H2AC13: variants seen among roughly 807,000 people sequenced by gnomAD.
The protein encoded by H2AC13 is H2A clustered histone 13.
In H2AC13, 3 loss-of-function variants were observed where a neutral mutation model predicts 5.9. That is an observed-to-expected ratio of 0.50 (90% CI 0.23 to 1.30). The LOEUF (loss-of-function observed/expected upper bound fraction) is 1.30, where lower values mean the gene tolerates loss of function less well. Among genes scored for constraint, H2AC13 ranks in the 50% most tolerant of loss-of-function variants. The pLI is 0.18. For synonymous variants in H2AC13, 96 were observed against 82.4 expected (o/e 1.17, Z -0.90); for missense variants, 123 against 179.1 (o/e 0.69, Z 1.79).
chr6:27,808,375 C>CT lies in H2AC13; in HGVS notation c.167dup (p.Glu57GlyfsTer36), dbSNP rs1395191360. The CT allele has an allele frequency of 6.2e-7, 1 of 1,604,402 alleles. No individual in the cohort carries two copies. The highest frequency in any genetic ancestry group is 1.3e-5 in the African/African-American group (1 of 74,668). ...AGCGCCGGTGTACCTGGCGGCGGTG[C>CT]TGGAGTACCTGACCGCCGAGATCCT... On this transcript the variant is annotated frameshift_variant, in exon 1 of 1. Coordinates refer to ENST00000358739, the MANE Select transcript of H2AC13 (RefSeq NM_003509.3). LOFTEE classifies it high-confidence loss of function.
chr6:27,808,379 A>G lies in H2AC13; in HGVS notation c.170A>G (p.Glu57Gly). The G allele has an allele frequency of 6.2e-7, 1 of 1,606,204 alleles. No individual in the cohort carries two copies. The highest frequency in any genetic ancestry group is 8.5e-7 in the Non-Finnish European group (1 of 1,174,594). ...GAPVYLAAVLEYLTAEILELA... is the reference protein window; with the variant it reads ...GAPVYLAAVLGYLTAEILELA... ...CCGGTGTACCTGGCGGCGGTGCTGG[A>G]GTACCTGACCGCCGAGATCCTGGAG... The change falls in exon 1 of 1, where the codon GAG becomes GGG. Residue 57 changes from glutamate (E) to glycine (G), a missense_variant. This residue lies in a region of H2AC13 where 72 missense variants were observed against 134.3 expected (regional missense o/e 0.54). Transcript: ENST00000358739.
At position 27,808,395 on chromosome 6, in the gene H2AC13, G is replaced by C; in HGVS notation, c.186G>C (p.Glu62Asp). The change falls in exon 1 of 1, where the codon GAG becomes GAC. Residue 62 changes from glutamate to aspartate, a missense_variant. Coordinates refer to ENST00000358739, the MANE Select transcript of H2AC13 (RefSeq NM_003509.3). ...CGGTGCTGGAGTACCTGACCGCCGA[G>C]ATCCTGGAGCTGGCTGGCAACGCGG... Reference protein sequence around the residue: ...LAAVLEYLTAEILELAGNAAR... With the variant: ...LAAVLEYLTADILELAGNAAR... 1.9e-6 allele frequency: 3 copies of C among 1,608,512 alleles called. No individual in the cohort carries two copies. The highest frequency in any genetic ancestry group is 2.6e-6 in the Non-Finnish European group (3 of 1,176,008).
rs1445867949 is a variant in H2AC13, at chr6:27,808,548, G to C, written c.339G>C (p.Gln113His). 1 of 1,614,116 alleles carries C rather than the reference G, an allele frequency of 6.2e-7. No individual in the cohort carries two copies. Among genetic ancestry groups the C allele is most frequent in the African/African-American group, 1.3e-5 (1 of 74,948 alleles). The change falls in exon 1 of 1, where the codon CAG (glutamine) becomes CAC (histidine). Residue 113 changes from glutamine (Q) to histidine (H), a missense_variant. By Grantham distance (24) the Gln-to-His change is conservative. Transcript: ENST00000358739. The part of the protein sequence containing the change: ...IAQGGVLPNI[Q>H]AVLLPKKTES... The stretch of plus-strand genomic sequence containing the variant: ...AGGGTGGCGTCCTGCCCAACATCCA[G>C]GCCGTGCTACTGCCCAAGAAGACCG...
chr6:27,808,519 G>C lies in H2AC13; in HGVS notation c.310G>C (p.Ala104Pro). ...CAAGCTTCTGGGCAAAGTCACCATC[G>C]CACAGGGTGGCGTCCTGCCCAACAT... is the stretch of plus-strand genomic sequence containing the variant. ...LNKLLGKVTI[A>P]QGGVLPNIQA... The change falls in exon 1 of 1, where the codon GCA becomes CCA. Residue 104 changes from alanine (A) to proline (P), a missense_variant. Ala to Pro is a conservative substitution (Grantham distance 27). Transcript: ENST00000358739. The C allele has an allele frequency of 6.2e-7, 1 of 1,614,148 alleles. No homozygotes were observed. The highest frequency in any genetic ancestry group is 8.5e-7 in the Non-Finnish European group (1 of 1,180,010).
In H2AC13 at chr6:27,808,185, C is replaced by G. The variant is rs181697460; in HGVS notation, c.-25C>G. 3 of 1,542,704 alleles carry G rather than the reference C, an allele frequency of 1.9e-6. No homozygotes were observed. Among genetic ancestry groups the G allele is most frequent in the Non-Finnish European group, 2.6e-6 (3 of 1,149,622 alleles). ...CTAGTTTCACTTCAGTCTTTCTTGA[C>G]CGTATAGATAATAGGCCTTTTGCCA... is the stretch of plus-strand genomic sequence containing the variant. On this transcript the variant is annotated 5_prime_UTR_variant, in exon 1 of 1. Coordinates refer to ENST00000358739, the MANE Select transcript of H2AC13 (RefSeq NM_003509.3).
chr6:27,808,203 T>G lies in H2AC13; in HGVS notation c.-7T>G. The G allele has an allele frequency of 6.4e-7, 1 of 1,567,722 alleles. No homozygotes were observed. Among genetic ancestry groups the G allele is most frequent in the Non-Finnish European group, 8.6e-7 (1 of 1,160,042 alleles). ...TTCTTGACCGTATAGATAATAGGCCTTTTGCCATGTCTGGGCGTGGCAAGC... is the reference window on the plus strand; with the variant it reads ...TTCTTGACCGTATAGATAATAGGCCGTTTGCCATGTCTGGGCGTGGCAAGC... On this transcript the variant is annotated 5_prime_UTR_variant, in exon 1 of 1. Transcript: ENST00000358739.
At position 27,808,578 on chromosome 6, in the gene H2AC13, C is replaced by T. The variant is rs759140913; in HGVS notation, c.369C>T (p.Ser123=). The change falls in exon 1 of 1, where the codon AGC becomes AGT. Residue 123 remains serine, a synonymous_variant. Transcript: ENST00000358739. ...QAVLLPKKTE[S]HHKAKGK ...TGCTACTGCCCAAGAAGACCGAGAG[C>T]CACCACAAGGCGAAGGGCAAGTAGA... 1.2e-6 allele frequency: 2 copies of T among 1,614,044 alleles called. No homozygotes were observed. The highest frequency in any genetic ancestry group is 1.3e-5 in the African/African-American group (1 of 75,056).
Position 27,808,581 on chromosome 6 carries a change from C to T in H2AC13, c.372C>T (p.His124=), listed in dbSNP as rs764685927. The T allele has an allele frequency of 6.2e-7, 1 of 1,613,954 alleles. No homozygotes were observed. The highest frequency in any genetic ancestry group is 1.3e-5 in the African/African-American group (1 of 75,058). The change falls in exon 1 of 1, where the codon CAC becomes CAT. Residue 124 remains histidine, a synonymous_variant. Transcript: ENST00000358739. The stretch of plus-strand genomic sequence containing the variant: ...TACTGCCCAAGAAGACCGAGAGCCA[C>T]CACAAGGCGAAGGGCAAGTAGAAGC... ...AVLLPKKTES[H]HKAKGK
rs982089572 is a variant in H2AC13, at chr6:27,808,244, G to A, written c.35G>A (p.Arg12His). Residue 12 changes from arginine (R) to histidine (H), a missense_variant, in exon 1 of 1, where the codon CGC (arginine) becomes CAC (histidine). By Grantham distance (29) the Arg-to-His change is conservative. This residue lies in a region of H2AC13 where 33 missense variants were observed against 28.6 expected (regional missense o/e 1.15). Coordinates refer to ENST00000358739, the MANE Select transcript of H2AC13 (RefSeq NM_003509.3). ...SGRGKQGGKA[R>H]AKAKTRSSRA... Reference sequence around the variant, plus strand: ...CGTGGCAAGCAGGGAGGCAAAGCTCGCGCCAAGGCCAAGACCCGCTCTTCT... The same window carrying A: ...CGTGGCAAGCAGGGAGGCAAAGCTCACGCCAAGGCCAAGACCCGCTCTTCT... The A allele has an allele frequency of 1.3e-6, 2 of 1,578,908 alleles. No individual in the cohort carries two copies. Among genetic ancestry groups the A allele is most frequent in the Non-Finnish European group, 1.7e-6 (2 of 1,164,054 alleles).
rs764698902 is a variant in H2AC13, at chr6:27,808,374, GCTGGAGTACCTGACCGCCGAGATC to G, written c.172_195del (p.Tyr58_Glu65del). Reference sequence around the variant, plus strand: ...GAGCGCCGGTGTACCTGGCGGCGGTGCTGGAGTACCTGACCGCCGAGATCCTGGAGCTGGCTGGCAACGCGGCCC... The same window carrying G: ...GAGCGCCGGTGTACCTGGCGGCGGTGCTGGAGCTGGCTGGCAACGCGGCCC... On this transcript the variant is annotated inframe_deletion, in exon 1 of 1. Coordinates refer to ENST00000358739, the MANE Select transcript of H2AC13 (RefSeq NM_003509.3). The G allele has an allele frequency of 1.2e-6, 2 of 1,604,550 alleles. No individual in the cohort carries two copies. Among genetic ancestry groups the G allele is most frequent in the Non-Finnish European group, 1.7e-6 (2 of 1,173,572 alleles).
In H2AC13 at chr6:27,808,275, C is replaced by T. The variant is rs1435673693; in HGVS notation, c.66C>T (p.Ala22=). 6 of 1,561,920 alleles carry T rather than the reference C, an allele frequency of 3.8e-6. No homozygotes were observed. Among genetic ancestry groups the T allele is most frequent in the Admixed American group, 3.9e-5 (2 of 50,696 alleles). Residue 22 remains alanine (A), a synonymous_variant, in exon 1 of 1, where the codon GCC becomes GCT. Coordinates refer to ENST00000358739, the MANE Select transcript of H2AC13 (RefSeq NM_003509.3). Reference sequence around the variant, plus strand: ...AGGCCAAGACCCGCTCTTCTCGGGCCGGGCTTCAGTTTCCCGTAGGCCGAG... The same window carrying T: ...AGGCCAAGACCCGCTCTTCTCGGGCTGGGCTTCAGTTTCCCGTAGGCCGAG... ...RAKAKTRSSR[A]GLQFPVGRVH...
rs756946768 is a variant in H2AC13 at position 27,808,303 on chromosome 6, C to T, written c.94C>T (p.His32Tyr). ...GCTTCAGTTTCCCGTAGGCCGAGTG[C>T]ATCGCCTGCTCCGCAAAGGCAACTA... ...AGLQFPVGRV[H>Y]RLLRKGNYAE... The change falls in exon 1 of 1, where the codon CAT (histidine) becomes TAT (tyrosine). Residue 32 changes from histidine to tyrosine, a missense_variant. Transcript: ENST00000358739. The T allele has an allele frequency of 1.3e-6, 2 of 1,557,144 alleles. No homozygotes were observed. The highest frequency in any genetic ancestry group is 8.7e-7 in the Non-Finnish European group (1 of 1,152,778).
chr6:27,808,366 G>C lies in H2AC13; in HGVS notation c.157G>C (p.Ala53Pro). 6.2e-7 allele frequency: 1 copy of C among 1,600,976 alleles called. No homozygotes were observed. ...CGGTGCTGGAGCGCCGGTGTACCTG[G>C]CGGCGGTGCTGGAGTACCTGACCGC... ...RVGAGAPVYL[A>P]AVLEYLTAEI... The change falls in exon 1 of 1, where the codon GCG becomes CCG. Residue 53 changes from alanine to proline, a missense_variant. By Grantham distance (27) the Ala-to-Pro change is conservative. This residue lies in a region of H2AC13 where 72 missense variants were observed against 134.3 expected (regional missense o/e 0.54). Transcript: ENST00000358739.
chr6:27,808,185 C>T lies in H2AC13; in HGVS notation c.-25C>T, dbSNP rs181697460. 6.9e-4 allele frequency: 1,058 copies of T among 1,542,704 alleles called. 5 individuals carry two copies. In the Admixed American group the frequency reaches 9.8e-3, roughly 14 times the overall value. On this transcript the variant is annotated 5_prime_UTR_variant, in exon 1 of 1. Transcript: ENST00000358739. ...CTAGTTTCACTTCAGTCTTTCTTGA[C>T]CGTATAGATAATAGGCCTTTTGCCA... is the stretch of plus-strand genomic sequence containing the variant.
In H2AC13 at chr6:27,808,244, G is replaced by T; in HGVS notation, c.35G>T (p.Arg12Leu). The change falls in exon 1 of 1, where the codon CGC (arginine) becomes CTC (leucine). Residue 12 changes from arginine (R) to leucine (L), a missense_variant. By Grantham distance (102) the Arg-to-Leu change is moderately radical. This residue lies in a region of H2AC13 where 33 missense variants were observed against 28.6 expected (regional missense o/e 1.15). Transcript: ENST00000358739. ...SGRGKQGGKA[R>L]AKAKTRSSRA... Reference sequence around the variant, plus strand: ...CGTGGCAAGCAGGGAGGCAAAGCTCGCGCCAAGGCCAAGACCCGCTCTTCT... The same window carrying T: ...CGTGGCAAGCAGGGAGGCAAAGCTCTCGCCAAGGCCAAGACCCGCTCTTCT... 6.3e-7 allele frequency: 1 copy of T among 1,579,026 alleles called. No individual in the cohort carries two copies. The highest frequency in any genetic ancestry group is 1.2e-5 in the South Asian group (1 of 85,582).
Position 27,808,526 on chromosome 6 carries a change from G to T in H2AC13, c.317G>T (p.Gly106Val), listed in dbSNP as rs777436423. ...CTGGGCAAAGTCACCATCGCACAGG[G>T]TGGCGTCCTGCCCAACATCCAGGCC... ...KLLGKVTIAQ[G>V]GVLPNIQAVL... The change falls in exon 1 of 1, where the codon GGT (glycine) becomes GTT (valine). Residue 106 changes from glycine to valine, a missense_variant. Gly to Val is a moderately radical substitution (Grantham distance 109). This residue lies in a region of H2AC13 where 72 missense variants were observed against 134.3 expected (regional missense o/e 0.54). Transcript: ENST00000358739. The T allele has an allele frequency of 6.2e-7, 1 of 1,614,212 alleles. No individual in the cohort carries two copies. The highest frequency in any genetic ancestry group is 8.5e-7 in the Non-Finnish European group (1 of 1,180,024).
In H2AC13 at chr6:27,808,503, G is replaced by C. The variant is rs146279916; in HGVS notation, c.294G>C (p.Leu98=). 6 of 1,614,028 alleles carry C rather than the reference G, an allele frequency of 3.7e-6. No homozygotes were observed. In the African/African-American group the frequency reaches 8.0e-5, roughly 22 times the overall value. ...IRNDEELNKL[L]GKVTIAQGGV... is the part of the protein sequence containing the mutation. ...ACGATGAGGAGCTCAACAAGCTTCT[G>C]GGCAAAGTCACCATCGCACAGGGTG... The change falls in exon 1 of 1, where the codon CTG becomes CTC. Residue 98 remains leucine, a synonymous_variant. Coordinates refer to ENST00000358739, the MANE Select transcript of H2AC13 (RefSeq NM_003509.3).
In H2AC13 at chr6:27,808,577, G is replaced by T; in HGVS notation, c.368G>T (p.Ser123Ile). Residue 123 changes from serine to isoleucine, a missense_variant, in exon 1 of 1, where the codon AGC becomes ATC. Physicochemically the swap from Ser to Ile is moderately radical, Grantham distance 142 (BLOSUM62 -2). Transcript: ENST00000358739. ...QAVLLPKKTE[S>I]HHKAKGK ...GTGCTACTGCCCAAGAAGACCGAGA[G>T]CCACCACAAGGCGAAGGGCAAGTAG... is the stretch of plus-strand genomic sequence containing the variant. The T allele has an allele frequency of 2.5e-6, 4 of 1,614,088 alleles. 1 individual carries two copies. In the South Asian group the frequency reaches 4.4e-5, roughly 18 times the overall value.
chr6:27,808,449 C>A lies in H2AC13; in HGVS notation c.240C>A (p.Ile80=), dbSNP rs777577300. The change falls in exon 1 of 1, where the codon ATC becomes ATA. Residue 80 remains isoleucine (I), a synonymous_variant. Transcript: ENST00000358739. ...AARDNKKTRI[I]PRHLQLAIRN... ...GCGACAACAAGAAGACTCGCATCAT[C>A]CCGCGTCACCTCCAGCTGGCCATCC... 4.3e-6 allele frequency: 7 copies of A among 1,613,240 alleles called. No homozygotes were observed. Among genetic ancestry groups the A allele is most frequent in the Middle Eastern group, 1.7e-4 (1 of 5,958 alleles).
Sources: gnomAD v4.1 joint callset for allele counts on GRCh38, gnomAD v4.1.1 for gene constraint, gnomAD v4.1.1 regional missense constraint, MANE v1.5 for transcripts, NCBI Gene and HGNC (gene_info 2026-07-23, HGNC 2026-07-21) for gene names.